NPRL3: variants seen among roughly 807,000 people sequenced by gnomAD.
NPRL3 encodes NPR3 like, GATOR1 complex subunit, also known as GATOR1 complex protein NPRL3.
NPRL3 carries 23 observed loss-of-function variants against 57.2 expected under a neutral mutation model. The observed-to-expected ratio is 0.40, with a 90% CI of 0.29 to 0.57. The LOEUF (loss-of-function observed/expected upper bound fraction) is 0.57. NPRL3 is among the 20% of genes least tolerant of loss of function. NPRL3 has a pLI of 0.42. For synonymous variants in NPRL3, 333 were observed against 321.1 expected, an observed-to-expected ratio of 1.04 and a Z score of -0.39; for missense variants, 691 against 767.1, an observed-to-expected ratio of 0.90 and a Z score of 1.17.
intron 3 of NPRL3, among the ~76,000 whole-genome samples, chr16:126,799 C>A (rs537233304): frequency 7.2e-4 from 110 of 152,292 alleles, no homozygotes; most frequent in African/African-American, 2.6e-3. Flanking sequence ...TATCCATTTT[C>A]TTTTCTCATA....
At chr16:100,970 CAAAAA>C (rs59640237) in intron 7 of NPRL3, among the ~76,000 whole-genome samples, 3 of 36,118 alleles carry the variant, frequency 8.3e-5, no homozygotes, top group Non-Finnish European at 9.0e-5. Context: ...GACTCTGTCT[CAAAAA>C]AAAAAAAAAA....
At position 86,676 on chromosome 16, in the gene NPRL3, C is replaced by A; in HGVS notation, c.*29G>T. 1 of 1,535,116 alleles carries A rather than the reference C, an allele frequency of 6.5e-7. No homozygotes were observed. Among genetic ancestry groups the A allele is most frequent in the African/African-American group, 1.4e-5 (1 of 72,978 alleles). ...GAGACGCGAGCGCCCACCTGCGCAC[C>A]CCAGCAGCCTTCCGCCCTCCGCCTG... On this transcript the variant is annotated 3_prime_UTR_variant, in exon 14 of 14. Transcript: ENST00000611875.
intron 11 of NPRL3, 116 bp from the exon 12 acceptor site, chr16:90,018 GCAGAAAGGCCCTCTTCT>G: frequency 1.0e-6 from 1 of 977,738 alleles, no homozygotes; most frequent in Non-Finnish European, 1.5e-6. Context: ...TGACGCACAG[GCAGAAAGGCCCTCTTCT>G]CAGAAAGGGA....
chr16:100,797 C>G (rs1179004235), intron 7 of NPRL3, among the ~76,000 whole-genome samples: 3 of 145,800 alleles, frequency 2.1e-5, no homozygotes, highest in Non-Finnish European at 4.5e-5. Flanking sequence ...ACGGTGAAAC[C>G]CCGTCTCTAC....
At chr16:109,574 C>T (rs760844241) in intron 7 of NPRL3, among the ~76,000 whole-genome samples, 4 of 152,138 alleles carry the variant, frequency 2.6e-5, no homozygotes, top group Non-Finnish European at 4.4e-5. Context: ...TGTATAACTT[C>T]GGGCTCGTTT....
intron 2 of NPRL3, among the ~76,000 whole-genome samples, chr16:136,737 A>G (rs1359156101): frequency 6.6e-6 from 1 of 151,638 alleles, no homozygotes; most frequent in Non-Finnish European, 1.5e-5. Flanking sequence ...ATTGACACAG[A>G]AGGTCCTGGA....
chr16:97,689 A>G (rs1481195843), intron 9 of NPRL3, among the ~76,000 whole-genome samples: 3 of 152,132 alleles, frequency 2.0e-5, no homozygotes, highest in Admixed American at 6.6e-5. Context: ...ACATGTGCAC[A>G]CACAGGGGCG....
At chr16:136,485 G>T (rs1413549810) in intron 2 of NPRL3, among the ~76,000 whole-genome samples, 1 of 151,820 alleles carries the variant, frequency 6.6e-6, no homozygotes, top group East Asian at 1.9e-4. Context: ...GTCAGGAGTT[G>T]GAGACCAGCC....
In NPRL3 at chr16:133,401, T is replaced by A. The variant is rs900492301; in HGVS notation, c.119-2810A>T. 5.0e-5 allele frequency among the ~76,000 whole-genome samples: 7 copies of A among 139,338 alleles called. No individual in the cohort carries two copies. In the East Asian group the frequency reaches 9.8e-4, roughly 19 times the overall value. 91.4% of individuals were successfully genotyped at this position (139,338 alleles called of 152,430 possible). A position where few individuals can be genotyped will look rare whatever the true frequency, so the allele number is the denominator to read the frequency against. On this transcript the variant is annotated intron_variant, in intron 2 of 13. Transcript: ENST00000611875. ...CCAACACGCCCAGCTAATTTTTGTA[T>A]TTTTTTTTTTAGCAGAGATGGGGTT... is the stretch of plus-strand genomic sequence containing the variant.
chr16:133,989 G>C (rs1345356398), intron 2 of NPRL3, among the ~76,000 whole-genome samples: 1 of 152,132 alleles, frequency 6.6e-6, no homozygotes, highest in Non-Finnish European at 1.5e-5. Flanking sequence ...TGTGGACATG[G>C]TTCTTGGTAC....
chr16:136,682 C>T (rs1901100242), intron 2 of NPRL3, among the ~76,000 whole-genome samples: 1 of 139,830 alleles, frequency 7.2e-6, no homozygotes, highest in Non-Finnish European at 1.5e-5. Context: ...CTGCAAGACT[C>T]GTCTCAAAAA....
At chr16:134,433 A>T (rs1356236308) in intron 2 of NPRL3, among the ~76,000 whole-genome samples, 1 of 152,212 alleles carries the variant, frequency 6.6e-6, no homozygotes, top group Admixed American at 6.5e-5. Context: ...GGAAAAGCTA[A>T]TAAGGGAGAA....
intron 2 of NPRL3, among the ~76,000 whole-genome samples, chr16:130,857 G>C (rs569616134): frequency 3.0e-4 from 45 of 152,216 alleles, no homozygotes; most frequent in Non-Finnish European, 5.7e-4. Context: ...GTAGATTAGA[G>C]GTTAGCACAG....
At chr16:115,859 G>C (rs1900010165) in intron 5 of NPRL3, among the ~76,000 whole-genome samples, 2 of 152,140 alleles carry the variant, frequency 1.3e-5, no homozygotes, top group African/African-American at 4.8e-5. Flanking sequence ...TCTCACCCTT[G>C]ATGGCAAGAG....
intron 1 of NPRL3, 104 bp from the exon 2 acceptor site, chr16:138,438 G>A (rs1450582292): frequency 3.7e-5 from 6 of 162,064 alleles, no homozygotes; most frequent in Non-Finnish European, 6.0e-5. Context: ...GCCTGAGGAG[G>A]GCAGGGGTGG....
chr16:132,739 G>A (rs371432286), intron 2 of NPRL3, among the ~76,000 whole-genome samples: 53 of 148,154 alleles, frequency 3.6e-4, no homozygotes, highest in South Asian at 3.0e-3. Context: ...GCGGGATCTC[G>A]GCTCACTGCA....
At chr16:132,152 A>G (rs980924156) in intron 2 of NPRL3, among the ~76,000 whole-genome samples, 1 of 151,974 alleles carries the variant, frequency 6.6e-6, no homozygotes, top group Non-Finnish European at 1.5e-5. Context: ...GACTACAGGC[A>G]TATGACACCC....
chr16:87,108 G>A (rs1213474030), intron 13 of NPRL3, among the ~76,000 whole-genome samples: 1 of 152,236 alleles, frequency 6.6e-6, no homozygotes, highest in Non-Finnish European at 1.5e-5. Flanking sequence ...GACGGCAGAC[G>A]GCTGTTCAAA....
At chr16:99,537 G>A (rs1435753117) in intron 8 of NPRL3, among the ~76,000 whole-genome samples, 1 of 151,466 alleles carries the variant, frequency 6.6e-6, no homozygotes, top group Non-Finnish European at 1.5e-5. Context: ...CAGCTACTCA[G>A]GGGGCTGAGG....
Sources: allele counts gnomAD v4.1 joint callset (sites outside exome capture counted in the v4.1 genomes callset), GRCh38; gene constraint gnomAD v4.1.1; transcripts MANE v1.5; gene names NCBI Gene and HGNC (gene_info 2026-07-23, HGNC 2026-07-21).